The following CFAP251 variants were observed in gnomAD, a reference collection of about 807,000 sequenced individuals.
The protein encoded by CFAP251 is cilia and flagella associated protein 251.
Under a neutral mutation model 126.7 loss-of-function variants are expected in CFAP251, and 93 were observed. That is an observed-to-expected ratio of 0.73 (90% CI 0.62 to 0.87). The LOEUF (loss-of-function observed/expected upper bound fraction) is 0.87. CFAP251 is among the 40% of genes least tolerant of loss of function. The pLI is 0.00. For missense variants in CFAP251, 1,287 were observed against 1,389.2 expected (o/e 0.93, Z 1.17); for synonymous variants, 503 against 506.9 (o/e 0.99, Z 0.10).
At chr12:121,919,754 G>A (rs1880079996) in intron 1 of CFAP251, among the ~76,000 whole-genome samples, 1 of 152,034 alleles carries the variant, frequency 6.6e-6, no homozygotes, top group African/African-American at 2.4e-5. Flanking sequence ...CTAATATGTG[G>A]GTTATGCATT....
chr12:121,983,261 G>T (rs1882667659), intron 19 of CFAP251, among the ~76,000 whole-genome samples: 1 of 151,928 alleles, frequency 6.6e-6, no homozygotes, highest in Admixed American at 6.6e-5. Flanking sequence ...GGGGATAGTG[G>T]TGTGCAACCG....
At chr12:121,990,549 G>A (rs1882853892) in intron 19 of CFAP251, among the ~76,000 whole-genome samples, 1 of 152,082 alleles carries the variant, frequency 6.6e-6, no homozygotes, top group African/African-American at 2.4e-5. Context: ...CCTCCTACTG[G>A]CCAAACCCTT....
Position 121,952,197 on chromosome 12 carries a change from T to C in CFAP251, c.1320+667T>C, listed in dbSNP as rs1327701209. Among the ~76,000 whole-genome samples, 3 of 143,130 alleles carry C rather than the reference T, an allele frequency of 2.1e-5. No individual in the cohort carries two copies. In the East Asian group the frequency reaches 6.3e-4, roughly 30 times the overall value. 93.9% of individuals were successfully genotyped at this position (143,130 alleles called of 152,430 possible). A position where few individuals can be genotyped will look rare whatever the true frequency, so the allele number is the denominator to read the frequency against. ...TGAGAGGATCACTTGAGCTCAGGAG[T>C]TTGAGACCAGCCTGGGCAACACAGG... On this transcript the variant is annotated intron_variant, in intron 9 of 21. Coordinates refer to ENST00000288912, the MANE Select transcript of CFAP251 (RefSeq NM_144668.6).
intron 5 of CFAP251, among the ~76,000 whole-genome samples, chr12:121,939,335 G>A (rs1177407972): frequency 2.0e-5 from 3 of 152,012 alleles, no homozygotes; most frequent in East Asian, 1.9e-4. Flanking sequence ...ACCCATAGCC[G>A]TCTGTGGCTG....
chr12:121,923,506 A>C, intron 2 of CFAP251, 116 bp from the exon 3 acceptor site: 1 of 1,354,900 alleles, frequency 7.4e-7, no homozygotes, highest in South Asian at 1.5e-5. Flanking sequence ...TTTAAAAAAC[A>C]TTTCATAATT....
rs149316718 is a variant in CFAP251 at position 121,973,389 on chromosome 12, G to A, written c.2772-1855G>A. The stretch of plus-strand genomic sequence containing the variant: ...GCCCTCATGGAGCACCTCTGCTAGA[G>A]CAGTGTGGAAGGGAAATGTGGGGTC... On this transcript the variant is annotated intron_variant, in intron 17 of 21. Transcript: ENST00000288912. 1.3e-3 allele frequency among the ~76,000 whole-genome samples: 194 copies of A among 152,368 alleles called. 4 individuals are homozygous for A. The East Asian group carries it at 0.035, about 28-fold the overall frequency.
In CFAP251 at chr12:121,967,018, A is replaced by T; in HGVS notation, c.2556A>T (p.Arg852Ser). ...PIEQTQVLPVRSMAELQKRYL... is the reference protein window; with the variant it reads ...PIEQTQVLPVSSMAELQKRYL... ...AGCAGACACAAGTCCTCCCAGTGAG[A>T]AGCATGGCGGAGCTACAGAAACGCT... The change falls in exon 16 of 22, where the codon AGA (arginine) becomes AGT (serine). Residue 852 changes from arginine (R) to serine (S), a missense_variant. Physicochemically the swap from Arg to Ser is moderately radical, Grantham distance 110. Coordinates refer to ENST00000288912, the MANE Select transcript of CFAP251 (RefSeq NM_144668.6). 6.2e-7 allele frequency: 1 copy of T among 1,614,232 alleles called. No individual in the cohort carries two copies. The highest frequency in any genetic ancestry group is 8.5e-7 in the Non-Finnish European group (1 of 1,180,036).
intron 8 of CFAP251, chr12:121,949,966 C>G (rs11612028): frequency 0.32 from 48,776 of 152,004 alleles, 10,112 homozygotes; most frequent in Non-Finnish European, 0.47. Flanking sequence ...CTCAGCAATT[C>G]CAAGGTAAGA....
At chr12:121,996,061 A>G (rs917396104) in intron 19 of CFAP251, among the ~76,000 whole-genome samples, 2 of 152,180 alleles carry the variant, frequency 1.3e-5, no homozygotes, top group Non-Finnish European at 2.9e-5. Context: ...TACTTGAGAT[A>G]GGTTGGTAGC....
intron 13 of CFAP251, among the ~76,000 whole-genome samples, chr12:121,960,003 T>C (rs830125): frequency 0.073 from 11,039 of 151,918 alleles, 507 homozygotes; most frequent in African/African-American, 0.13. Flanking sequence ...TATGGTGGCA[T>C]GTGCCTGTAG....
chr12:121,995,996 G>A (rs1484240947), intron 19 of CFAP251, among the ~76,000 whole-genome samples: 1 of 152,200 alleles, frequency 6.6e-6, no homozygotes, highest in African/African-American at 2.4e-5. Flanking sequence ...GATTACAAGA[G>A]ATTTTTATTT....
At chr12:121,992,274 C>G in intron 19 of CFAP251, 2 of 985,442 alleles carry the variant, frequency 2.0e-6, no homozygotes, top group Non-Finnish European at 2.4e-6. Context: ...GCAGAACCTG[C>G]CTTTTCAACG....
At chr12:121,969,561 C>T (rs565881618) in intron 17 of CFAP251, 15 of 906,984 alleles carry the variant, frequency 1.7e-5, no homozygotes, top group African/African-American at 3.6e-5. Flanking sequence ...TCATGGCTCA[C>T]TGCAGCCTCG....
Position 121,942,640 on chromosome 12 carries a change from G to A in CFAP251, c.1105G>A (p.Val369Ile), listed in dbSNP as rs762871259. 1.1e-5 allele frequency: 17 copies of A among 1,611,698 alleles called. No homozygotes were observed. Among genetic ancestry groups the A allele is most frequent in the Non-Finnish European group, 1.4e-5 (16 of 1,179,802 alleles). ...KYLATISDAE[V>I]QKVCIWKWTL... ...TCTGGCAACCATCTCAGATGCTGAA[G>A]TCCAGGTAAAGGCCCTGGCCCTTTG... Residue 369 changes from valine (V) to isoleucine (I), a missense_variant, in exon 6 of 22, where the codon GTC becomes ATC. Transcript: ENST00000288912.
At chr12:121,954,822 A>G (rs974329459) in intron 10 of CFAP251, among the ~76,000 whole-genome samples, 1 of 152,072 alleles carries the variant, frequency 6.6e-6, no homozygotes, top group Non-Finnish European at 1.5e-5. Flanking sequence ...TTCCATTTAT[A>G]CTAATTGGAT....
chr12:121,930,739 A>G (rs1880648477), intron 3 of CFAP251, among the ~76,000 whole-genome samples: 1 of 139,660 alleles, frequency 7.2e-6, no homozygotes, highest in African/African-American at 2.7e-5. Context: ...TGAATAATTA[A>G]TTGCCTTTCT....
At chr12:121,979,979 C>T (rs1286392347) in intron 19 of CFAP251, among the ~76,000 whole-genome samples, 6 of 152,248 alleles carry the variant, frequency 3.9e-5, no homozygotes, top group Admixed American at 3.9e-4. Flanking sequence ...AAGCCAGGCC[C>T]TCATCCATGT....
rs189601159 is a variant in CFAP251 at position 121,995,123 on chromosome 12, G to A, written c.3007-4593G>A. Among the ~76,000 whole-genome samples, 734 of 152,294 alleles carry A rather than the reference G, an allele frequency of 4.8e-3. 9 individuals are homozygous for A. Among genetic ancestry groups the A allele is most frequent in the African/African-American group, 0.017 (708 of 41,552 alleles). On this transcript the variant is annotated intron_variant, in intron 19 of 21. Transcript: ENST00000288912. ...GTATTCCCTGCTTTTTCAAGATGAG[G>A]AAACTGAGGAGAAGGAATGTGAGTA...
intron 9 of CFAP251, 117 bp from the exon 10 acceptor site, chr12:121,954,003 C>A (rs1881623111): frequency 2.0e-6 from 2 of 1,001,790 alleles, no homozygotes; most frequent in Non-Finnish European, 2.9e-6. Context: ...TGATTGTTTT[C>A]TTTTTCTTTC....
Sources: gnomAD v4.1 joint callset for allele counts (sites outside exome capture counted in the v4.1 genomes callset) on GRCh38, gnomAD v4.1.1 for gene constraint, MANE v1.5 for transcripts, NCBI Gene and HGNC (gene_info 2026-07-23, HGNC 2026-07-21) for gene names.